Variants in PRKD1 observed in about 807,000 individuals in gnomAD.
The protein encoded by PRKD1 is protein kinase D1, also known as serine/threonine-protein kinase D1.
In PRKD1, 63 loss-of-function variants were observed where a neutral mutation model predicts 95.9. The ratio of observed to expected loss-of-function variants is 0.66; its 90% CI spans 0.54 to 0.81. PRKD1 has a LOEUF of 0.81. PRKD1 is among the 30% of genes least tolerant of loss of function. The pLI is 0.00. For missense variants in PRKD1, 1,048 were observed against 1,165.3 expected (o/e 0.90, Z 1.47); for synonymous variants, 425 against 423.1 (o/e 1.00, Z -0.05).
chr14:29,651,832 C>A (rs897439547), intron 4 of PRKD1, among the ~76,000 whole-genome samples: 3 of 152,104 alleles, frequency 2.0e-5, no homozygotes, highest in African/African-American at 7.2e-5. Context: ...GCAACCTCCA[C>A]CTCCCAGGTT....
At chr14:29,914,648 T>C (rs1894829226) in intron 1 of PRKD1, among the ~76,000 whole-genome samples, 1 of 152,118 alleles carries the variant, frequency 6.6e-6, no homozygotes, top group African/African-American at 2.4e-5. Flanking sequence ...GCAGAAGAAT[T>C]GCTTGAACCG....
chr14:29,872,656 TA>T (rs535984977), intron 1 of PRKD1, among the ~76,000 whole-genome samples: 3,821 of 118,778 alleles, frequency 0.032, 130 homozygotes, highest in African/African-American at 0.099. Context: ...ACTTTGTCTC[TA>T]AAAAAAAAAA....
At chr14:29,830,515 CTG>C (rs539357282) in intron 1 of PRKD1, among the ~76,000 whole-genome samples, 81 of 151,946 alleles carry the variant, frequency 5.3e-4, no homozygotes, top group African/African-American at 1.9e-3. Flanking sequence ...ATTTATCTCT[CTG>C]TGTGTGTGTG....
intron 16 of PRKD1, among the ~76,000 whole-genome samples, chr14:29,591,709 T>C (rs1893136472): frequency 6.6e-6 from 1 of 152,200 alleles, no homozygotes; most frequent in South Asian, 2.1e-4. Flanking sequence ...ACAAATATTC[T>C]TGCTTTGAGT....
intron 1 of PRKD1, among the ~76,000 whole-genome samples, chr14:29,895,066 T>C (rs554671111): frequency 7.2e-5 from 11 of 152,336 alleles, no homozygotes; most frequent in African/African-American, 2.6e-4. Flanking sequence ...GCGCTGTGGC[T>C]CACGCCTGTA....
At chr14:29,746,529 T>TACACACACACACACACACACAC (rs139747043) in intron 1 of PRKD1, among the ~76,000 whole-genome samples, 2 of 146,410 alleles carry the variant, frequency 1.4e-5, no homozygotes, top group Non-Finnish European at 3.0e-5. Flanking sequence ...TGTGTACATA[T>TACACACACACACACACACACAC]ATACACACAC....
At chr14:29,765,601 G>A (rs936239873) in intron 1 of PRKD1, among the ~76,000 whole-genome samples, 1 of 152,078 alleles carries the variant, frequency 6.6e-6, no homozygotes, top group African/African-American at 2.4e-5. Context: ...AAGCATTGTT[G>A]TTGGCTCAAA....
At position 29,914,765 on chromosome 14, in the gene PRKD1, C is replaced by T. The variant is rs563302462; in HGVS notation, c.264+12484G>A. 1.4e-4 allele frequency among the ~76,000 whole-genome samples: 21 copies of T among 149,306 alleles called. No individual in the cohort carries two copies. In the South Asian group the frequency reaches 3.8e-3, roughly 27 times the overall value. ...AATAAGAAAAGCAAACACTGAATGG[C>T]ACTTTTCTTTTCTTTTTTTTTTTTT... On this transcript the variant is annotated intron_variant, in intron 1 of 17. Coordinates refer to ENST00000331968, the MANE Select transcript of PRKD1 (RefSeq NM_002742.3).
intron 16 of PRKD1, among the ~76,000 whole-genome samples, chr14:29,587,360 T>TG (rs1178738079): frequency 1.3e-5 from 2 of 152,214 alleles, no homozygotes; most frequent in Non-Finnish European, 2.9e-5. Context: ...TTTGTTGTTA[T>TG]GGAAGAAAGC....
chr14:29,905,056 G>A (rs1483239238), intron 1 of PRKD1, among the ~76,000 whole-genome samples: 3 of 152,170 alleles, frequency 2.0e-5, no homozygotes, highest in Admixed American at 6.5e-5. Context: ...GGGAATTACT[G>A]GACTGTGGTC....
chr14:29,597,891 A>T (rs1413520808), intron 15 of PRKD1, 133 bp from the exon 16 acceptor site: 1 of 955,424 alleles, frequency 1.0e-6, no homozygotes, highest in African/African-American at 1.7e-5. Flanking sequence ...GATTTCTTAA[A>T]GTAATAGCTA....
intron 12 of PRKD1, among the ~76,000 whole-genome samples, chr14:29,624,873 T>G (rs987065680): frequency 3.3e-5 from 5 of 152,142 alleles, no homozygotes; most frequent in Admixed American, 6.6e-5. Context: ...TACACCTCAT[T>G]TAACTACTAT....
intron 8 of PRKD1, among the ~76,000 whole-genome samples, chr14:29,633,326 T>C (rs1223347061): frequency 1.3e-5 from 2 of 152,228 alleles, no homozygotes; most frequent in Non-Finnish European, 1.5e-5. Flanking sequence ...CAATGTTTAT[T>C]ATGCATGCTC....
At chr14:29,663,648 C>A (rs1344972882) in intron 4 of PRKD1, 51 bp downstream of exon 4, 2 of 1,586,258 alleles carry the variant, frequency 1.3e-6, no homozygotes, top group Non-Finnish European at 1.7e-6. Flanking sequence ...TATCACATCA[C>A]CCCACAGATT....
chr14:29,683,193 C>T (rs1346992730), intron 2 of PRKD1, among the ~76,000 whole-genome samples: 1 of 152,028 alleles, frequency 6.6e-6, no homozygotes, highest in Admixed American at 6.6e-5. Flanking sequence ...ATAGGGTTAC[C>T]ATATGGGGCT....
chr14:29,672,129 T>G (rs1215499169), intron 2 of PRKD1, among the ~76,000 whole-genome samples: 1 of 151,618 alleles, frequency 6.6e-6, no homozygotes, highest in Admixed American at 6.6e-5. Flanking sequence ...GATCACGAGG[T>G]CAGGAGATCC....
intron 1 of PRKD1, among the ~76,000 whole-genome samples, chr14:29,909,689 C>A (rs1245692055): frequency 6.6e-6 from 1 of 152,118 alleles, no homozygotes; most frequent in East Asian, 1.9e-4. Context: ...TTTGTAAATA[C>A]ACCAATCAGC....
At chr14:29,739,105 G>T (rs1886872878) in intron 1 of PRKD1, among the ~76,000 whole-genome samples, 2 of 152,114 alleles carry the variant, frequency 1.3e-5, no homozygotes, top group African/African-American at 4.8e-5. Flanking sequence ...CAAAGTGCTG[G>T]GAGTACAGGC....
rs150515351 is a variant in PRKD1 at position 29,655,710 on chromosome 14, T to C, written c.696+7989A>G. ...GGCCAATTTTGGAGGAGGGCTTAAC[T>C]AAAACCTTTTTTAAAGGAAATTTGT... On this transcript the variant is annotated intron_variant, in intron 4 of 17. Coordinates refer to ENST00000331968, the MANE Select transcript of PRKD1 (RefSeq NM_002742.3). Among the ~76,000 whole-genome samples, 89 of 152,218 alleles carry C rather than the reference T, an allele frequency of 5.8e-4. No individual in the cohort carries two copies. The Middle Eastern group carries it at 0.014, about 23-fold the overall frequency.
Sources: gnomAD v4.1 joint callset for allele counts (sites outside exome capture counted in the v4.1 genomes callset) on GRCh38, gnomAD v4.1.1 for gene constraint, MANE v1.5 for transcripts, NCBI Gene and HGNC (gene_info 2026-07-23, HGNC 2026-07-21) for gene names.